LYRM4: variants seen among roughly 807,000 people sequenced by gnomAD.
LYRM4 encodes the protein LYR motif-containing protein 4.
LYRM4 carries 9 observed loss-of-function variants against 11.7 expected under a neutral mutation model. That is an observed-to-expected ratio of 0.77 (90% CI 0.46 to 1.34). The LOEUF (loss-of-function observed/expected upper bound fraction) is 1.34. Ranked by LOEUF, LYRM4 falls within the 40% of genes most tolerant of loss-of-function variation. The pLI, the probability that LYRM4 is intolerant of heterozygous loss-of-function variation, is 0.00. For synonymous variants in LYRM4, 42 were observed against 40.4 expected, an observed-to-expected ratio of 1.04 and a Z score of -0.15; for missense variants, 133 against 112.5, an observed-to-expected ratio of 1.18 and a Z score of -0.82.
At chr6:5,121,200 T>C (rs1290229932) in intron 2 of LYRM4, among the ~76,000 whole-genome samples, 1 of 152,174 alleles carries the variant, frequency 6.6e-6, no homozygotes, top group South Asian at 2.1e-4. Context: ...TTTGGGTACA[T>C]AGGGCCATGG....
intron 1 of LYRM4, among the ~76,000 whole-genome samples, chr6:5,233,976 T>C (rs1042593643): frequency 2.6e-5 from 4 of 152,200 alleles, no homozygotes; most frequent in African/African-American, 9.6e-5. Context: ...CACAATGCAG[T>C]TCTACAGCCT....
intron 2 of LYRM4, among the ~76,000 whole-genome samples, chr6:5,194,783 G>A (rs148339406): frequency 0.011 from 1,747 of 152,272 alleles, 30 homozygotes; most frequent in African/African-American, 0.039. Flanking sequence ...GAGTGCAGTG[G>A]CACGATCATA....
the LYRM4 span, among the ~76,000 whole-genome samples, chr6:5,069,480 A>AT: frequency 2.7e-5 from 4 of 149,334 alleles, no homozygotes; most frequent in Middle Eastern, 3.6e-3. Flanking sequence ...TTATATATAT[A>AT]TATTTTTTTG....
Position 5,197,189 on chromosome 6 carries a change from A to G in LYRM4, c.207+19429T>C, listed in dbSNP as rs548896245. Among the ~76,000 whole-genome samples the G allele has an allele frequency of 4.6e-5, 7 of 152,336 alleles. No individual in the cohort carries two copies. In the East Asian group the frequency reaches 1.2e-3, roughly 25 times the overall value. ...AGAACCTCAAACCAAGTCCTTTGGA[A>G]AAAACATAGGTGCTTACTGGTGATT... On this transcript the variant is annotated intron_variant, in intron 2 of 2. Transcript: ENST00000330636.
At chr6:5,187,534 A>G (rs1760479784) in intron 2 of LYRM4, among the ~76,000 whole-genome samples, 1 of 151,956 alleles carries the variant, frequency 6.6e-6, no homozygotes, top group African/African-American at 2.4e-5. Flanking sequence ...GTTCTTACTC[A>G]CAGGTGGGAA....
At chr6:5,066,721 C>A in the LYRM4 span, 4 of 813,488 alleles carry the variant, frequency 4.9e-6, no homozygotes, top group Non-Finnish European at 8.4e-6. Flanking sequence ...TTTCTCCATA[C>A]GATTTGCGCC....
At chr6:5,106,164 C>T (rs999034811), downstream of LYRM4, 1 of 152,264 alleles carries the variant, frequency 6.6e-6, no homozygotes, top group African/African-American at 2.4e-5. Context: ...ATTCATAAGA[C>T]TTGTCATTTT....
intron 2 of LYRM4, among the ~76,000 whole-genome samples, chr6:5,193,454 A>T (rs979205995): frequency 2.0e-5 from 3 of 152,180 alleles, no homozygotes; most frequent in Non-Finnish European, 1.5e-5. Context: ...TAATCCTCAG[A>T]TAGAGCAGTG....
the LYRM4 span, chr6:5,086,812 C>T: frequency 5.6e-6 from 3 of 532,782 alleles, no homozygotes; most frequent in Non-Finnish European, 9.8e-6. Context: ...GACCTTCCTA[C>T]AAGGCCTCTA....
the LYRM4 span, among the ~76,000 whole-genome samples, chr6:5,084,334 G>A: frequency 2.0e-5 from 3 of 152,196 alleles, no homozygotes; most frequent in Non-Finnish European, 4.4e-5. Context: ...TTGGCCCCTG[G>A]CAAGGCCGGA....
chr6:5,106,477 T>C (rs1762667837), downstream of LYRM4: 1 of 152,340 alleles, frequency 6.6e-6, no homozygotes, highest in Non-Finnish European at 1.5e-5. Flanking sequence ...GTGGGTTGTA[T>C]GGTGGGGCTT....
At chr6:5,179,888 A>C (rs1380144288) in intron 2 of LYRM4, among the ~76,000 whole-genome samples, 2 of 152,214 alleles carry the variant, frequency 1.3e-5, no homozygotes, top group Admixed American at 6.5e-5. Flanking sequence ...CTTACAACAC[A>C]CTTTAGACTA....
At chr6:5,053,339 A>C in the LYRM4 span, among the ~76,000 whole-genome samples, 1 of 152,300 alleles carries the variant, frequency 6.6e-6, no homozygotes. Context: ...CAGAAAATGG[A>C]AATGGCTGGG....
At chr6:5,228,464 T>C (rs1355470361) in intron 1 of LYRM4, among the ~76,000 whole-genome samples, 1 of 151,972 alleles carries the variant, frequency 6.6e-6, no homozygotes, top group Non-Finnish European at 1.5e-5. Context: ...TCTTAGTAGA[T>C]GCAGGGTTTC....
the LYRM4 span, among the ~76,000 whole-genome samples, chr6:5,075,032 A>G: frequency 6.6e-6 from 1 of 150,784 alleles, no homozygotes; most frequent in Non-Finnish European, 1.5e-5. Flanking sequence ...AGTGTGTGGC[A>G]CCTCCCCCCA....
At chr6:5,089,333 T>G in the LYRM4 span, 1 of 152,218 alleles carries the variant, frequency 6.6e-6, no homozygotes, top group Non-Finnish European at 1.5e-5. Flanking sequence ...TTTTCCGATA[T>G]ATTTATAAAT....
At chr6:5,148,846 T>C (rs1349031511) in intron 2 of LYRM4, among the ~76,000 whole-genome samples, 1 of 152,190 alleles carries the variant, frequency 6.6e-6, no homozygotes, top group Non-Finnish European at 1.5e-5. Flanking sequence ...AAAATTACCT[T>C]GTCATTTGTA....
chr6:5,178,876 T>C (rs1037307650), intron 2 of LYRM4, among the ~76,000 whole-genome samples: 1 of 89,270 alleles, frequency 1.1e-5, no homozygotes, highest in African/African-American at 4.2e-5. Context: ...AGCGTTGAAA[T>C]ACAGTGAGTT....
At chr6:5,120,720 C>A (rs1265739999) in intron 2 of LYRM4, among the ~76,000 whole-genome samples, 1 of 152,134 alleles carries the variant, frequency 6.6e-6, no homozygotes, top group Non-Finnish European at 1.5e-5. Flanking sequence ...ATTTTGCGAA[C>A]CTCTAGCTAG....
Sources: gnomAD v4.1 joint callset for allele counts (sites outside exome capture counted in the v4.1 genomes callset) on GRCh38, gnomAD v4.1.1 for gene constraint, MANE v1.5 for transcripts, NCBI Gene and HGNC (gene_info 2026-07-23, HGNC 2026-07-21) for gene names.